The following PPP2R2B variants were observed in gnomAD, a reference collection of about 807,000 sequenced individuals.
PPP2R2B encodes the protein serine/threonine-protein phosphatase 2A 55 kDa regulatory subunit B beta isoform.
A neutral mutation model predicts 46.0 loss-of-function variants in PPP2R2B; 5 were observed. The observed-to-expected ratio is 0.11, with a 90% CI of 0.06 to 0.23. The LOEUF is 0.23. Among genes scored for constraint, PPP2R2B ranks in the 10% least tolerant of loss-of-function variants. The pLI, the probability that PPP2R2B is intolerant of heterozygous loss-of-function variation, is 1.00. For missense variants in PPP2R2B, 367 were observed against 575.0 expected, an observed-to-expected ratio of 0.64 and a Z score of 3.70; for synonymous variants, 215 against 206.7, an observed-to-expected ratio of 1.04 and a Z score of -0.34.
Position 146,591,149 on chromosome 5 carries a change from T to C in PPP2R2B, c.1053-923A>G, listed in dbSNP as rs191778810. Among the ~76,000 whole-genome samples the C allele has an allele frequency of 9.5e-3, 1,435 of 151,320 alleles. 21 individuals are homozygous for C. Among genetic ancestry groups the C allele is most frequent in the African/African-American group, 0.033 (1,367 of 41,252 alleles). On this transcript the variant is annotated intron_variant, in intron 9 of 9. Coordinates refer to ENST00000394411, the MANE Select transcript of PPP2R2B (RefSeq NM_181675.4). ...CCATCACACGGTGGTTCCCCTGGAG[T>C]GGGGGGCTCCTACTCATTTCTGGGT... is the stretch of plus-strand genomic sequence containing the variant.
In PPP2R2B at chr5:146,911,554, A is replaced by T. The variant is rs1763184100; in HGVS notation, c.79+144111T>A. 2.6e-5 allele frequency among the ~76,000 whole-genome samples: 4 copies of T among 152,224 alleles called. No individual in the cohort carries two copies. The South Asian group carries it at 8.3e-4, about 31-fold the overall frequency. ...AGTAGCCTGCAATCAGTAGGTGCAC[A>T]ATAAGTAATTGTTTAAAGAAGGATA... is the stretch of plus-strand genomic sequence containing the variant. On this transcript the variant is annotated intron_variant, in intron 1 of 8. Transcript: ENST00000336640.
At chr5:146,703,920 G>C (rs1779686079) in intron 2 of PPP2R2B, among the ~76,000 whole-genome samples, 1 of 152,166 alleles carries the variant, frequency 6.6e-6, no homozygotes, top group South Asian at 2.1e-4. Context: ...AAATTCCTTA[G>C]CCCTCTTGCA....
chr5:146,874,823 T>C (rs189892343), intron 2 of PPP2R2B, among the ~76,000 whole-genome samples: 17 of 151,240 alleles, frequency 1.1e-4, no homozygotes, highest in Middle Eastern at 3.4e-3. Context: ...GTTCCATATC[T>C]GAAAAAAAAA....
intron 2 of PPP2R2B, among the ~76,000 whole-genome samples, chr5:146,774,818 A>C (rs967559185): frequency 6.8e-6 from 1 of 146,568 alleles, no homozygotes; most frequent in Non-Finnish European, 1.5e-5. Context: ...CTCTGTCTCA[A>C]AAAAAAAAAA....
intron 1 of PPP2R2B, among the ~76,000 whole-genome samples, chr5:146,942,873 C>T (rs1372453163): frequency 1.3e-5 from 2 of 151,876 alleles, no homozygotes; most frequent in African/African-American, 2.4e-5. Context: ...TCTTGGCTCA[C>T]TGCAAGCTCC....
At chr5:146,755,111 G>A (rs1256552981) in intron 2 of PPP2R2B, among the ~76,000 whole-genome samples, 1 of 152,174 alleles carries the variant, frequency 6.6e-6, no homozygotes, top group Non-Finnish European at 1.5e-5. Context: ...TTAGAGAAAG[G>A]TTTGGCAGGA....
rs892608002 is a variant in PPP2R2B at position 146,985,007 on chromosome 5, TTTTC to T, written c.79+70654_79+70657del. Among the ~76,000 whole-genome samples the T allele has an allele frequency of 3.5e-5, 5 of 143,620 alleles. No individual in the cohort carries two copies. The East Asian group carries it at 1.0e-3, about 30-fold the overall frequency. The allele number at this position is 143,620 out of a possible 152,430, so 94.2% of individuals were successfully genotyped here. Reference sequence around the variant, plus strand: ...TTATCAGATGTATAGTTTGCAAATATTTTCTTTTTCTTTTTTTTTTTTTTTTTTT... The same window carrying T: ...TTATCAGATGTATAGTTTGCAAATATTTTTTCTTTTTTTTTTTTTTTTTTT... On this transcript the variant is annotated intron_variant, in intron 1 of 8. Coordinates refer to the PPP2R2B transcript ENST00000336640.
chr5:146,998,800 C>T (rs1219243609), intron 1 of PPP2R2B, among the ~76,000 whole-genome samples: 1 of 151,830 alleles, frequency 6.6e-6, no homozygotes, highest in Non-Finnish European at 1.5e-5. Flanking sequence ...TTTTTTCCCC[C>T]TTATCACTCA....
intron 2 of PPP2R2B, among the ~76,000 whole-genome samples, chr5:147,062,173 T>G (rs1184814850): frequency 6.6e-6 from 1 of 152,240 alleles, no homozygotes; most frequent in Non-Finnish European, 1.5e-5. Context: ...GTGTTACAAC[T>G]GCCCAGAGTA....
At chr5:146,854,001 G>A (rs1387524511) in intron 2 of PPP2R2B, among the ~76,000 whole-genome samples, 2 of 151,952 alleles carry the variant, frequency 1.3e-5, no homozygotes, top group Non-Finnish European at 2.9e-5. Flanking sequence ...TGTCCTGTAT[G>A]TGTCCCCTAC....
In PPP2R2B at chr5:146,875,990, T is replaced by C. The variant is rs148543948; in HGVS notation, c.70+2012A>G. Among the ~76,000 whole-genome samples, 19 of 152,324 alleles carry C rather than the reference T, an allele frequency of 1.2e-4. No individual in the cohort carries two copies. In the East Asian group the frequency reaches 3.3e-3, roughly 26 times the overall value. On this transcript the variant is annotated intron_variant, in intron 2 of 9. Transcript: ENST00000394411. ...ATCCAACTTCTGGTATTTACATCGT[T>C]TAAGTTCTATTTTCCTTTTCTTTTC...
At chr5:146,608,357 G>C (rs1581704216) in intron 7 of PPP2R2B, among the ~76,000 whole-genome samples, 1 of 152,206 alleles carries the variant, frequency 6.6e-6, no homozygotes, top group African/African-American at 2.4e-5. Flanking sequence ...ACATATTGGG[G>C]CTAGAACCTG....
chr5:146,840,732 C>T (rs560857790), intron 2 of PPP2R2B, among the ~76,000 whole-genome samples: 1 of 152,256 alleles, frequency 6.6e-6, no homozygotes, highest in Admixed American at 6.5e-5. Context: ...AATTACCAGC[C>T]AGCAAGTATA....
At chr5:146,953,483 C>T (rs1368876386) in intron 1 of PPP2R2B, among the ~76,000 whole-genome samples, 2 of 152,072 alleles carry the variant, frequency 1.3e-5, no homozygotes, top group Admixed American at 6.6e-5. Context: ...ATGGGAACCT[C>T]ACATAAGTTA....
intron 6 of PPP2R2B, among the ~76,000 whole-genome samples, 183 bp downstream of exon 6, chr5:146,650,364 C>A (rs1025814337): frequency 2.0e-5 from 3 of 152,156 alleles, no homozygotes; most frequent in South Asian, 4.1e-4. Flanking sequence ...CTTGTAATAA[C>A]AATATTTCCC....
chr5:146,781,865 T>C (rs922925529), intron 2 of PPP2R2B, among the ~76,000 whole-genome samples: 1 of 152,202 alleles, frequency 6.6e-6, no homozygotes, highest in East Asian at 1.9e-4. Flanking sequence ...CCAACTGATA[T>C]GATTGGGATC....
chr5:146,806,148 G>C (rs953209063), intron 2 of PPP2R2B, among the ~76,000 whole-genome samples: 1 of 152,172 alleles, frequency 6.6e-6, no homozygotes, highest in African/African-American at 2.4e-5. Context: ...GAGACAGTGT[G>C]TGTGATGCGC....
chr5:146,725,252 C>A (rs576303591), intron 2 of PPP2R2B, among the ~76,000 whole-genome samples: 1 of 152,132 alleles, frequency 6.6e-6, no homozygotes, highest in Non-Finnish European at 1.5e-5. Context: ...TGAATTAATG[C>A]TTCTTATTGC....
At chr5:146,734,192 A>G (rs1203405297) in intron 2 of PPP2R2B, among the ~76,000 whole-genome samples, 1 of 151,810 alleles carries the variant, frequency 6.6e-6, no homozygotes, top group East Asian at 1.9e-4. Context: ...AGTAGCTGGG[A>G]CTACAGATGC....
Sources: allele counts gnomAD v4.1 joint callset (sites outside exome capture counted in the v4.1 genomes callset), GRCh38; gene constraint gnomAD v4.1.1; transcripts MANE v1.5; gene names NCBI Gene and HGNC (gene_info 2026-07-23, HGNC 2026-07-21).